Variants in DPYSL5 observed in about 807,000 individuals in gnomAD.
DPYSL5 encodes the protein dihydropyrimidinase-related protein 5.
Under a neutral mutation model 58.4 loss-of-function variants are expected in DPYSL5, and 9 were observed. The observed-to-expected ratio is 0.15, with a 90% CI of 0.09 to 0.27. The LOEUF is 0.27. DPYSL5 is among the 10% of genes least tolerant of loss of function. DPYSL5 has a pLI of 1.00. For missense variants in DPYSL5, 499 were observed against 770.6 expected (o/e 0.65, Z 4.17); for synonymous variants, 293 against 301.9 (o/e 0.97, Z 0.31).
At position 26,940,134 on chromosome 2, in the gene DPYSL5, G is replaced by A. The variant is rs1241800661; in HGVS notation, c.1051G>A (p.Val351Met). 6.2e-7 allele frequency: 1 copy of A among 1,614,172 alleles called. No homozygotes were observed. Among genetic ancestry groups the A allele is most frequent in the East Asian group, 2.2e-5 (1 of 44,886 alleles). Reference protein sequence around the residue: ...FTKIPHGVSGVQDRMSVIWER... With the variant: ...FTKIPHGVSGMQDRMSVIWER... ...CAAGATCCCACATGGAGTGAGTGGCGTGCAGGACCGCATGAGCGTCATCTG... is the reference window on the plus strand; with the variant it reads ...CAAGATCCCACATGGAGTGAGTGGCATGCAGGACCGCATGAGCGTCATCTG... Residue 351 changes from valine to methionine, a missense_variant, in exon 9 of 13, where the codon GTG (valine) becomes ATG (methionine). Coordinates refer to ENST00000288699, the MANE Select transcript of DPYSL5 (RefSeq NM_020134.4).
At chr2:26,852,902 C>G (rs1038459472) in intron 1 of DPYSL5, among the ~76,000 whole-genome samples, 1 of 152,162 alleles carries the variant, frequency 6.6e-6, no homozygotes, top group African/African-American at 2.4e-5. Flanking sequence ...TTATCATCAC[C>G]ATCAGCAGCA....
At position 26,925,159 on chromosome 2, in the gene DPYSL5, A is replaced by G; in HGVS notation, c.420+114A>G. The G allele has an allele frequency of 7.5e-7, 1 of 1,327,610 alleles. No homozygotes were observed. 82.2% of individuals were successfully genotyped at this position (1,327,610 alleles called of 1,614,324 possible). On this transcript the variant is annotated intron_variant, in intron 3 of 12. Coordinates refer to ENST00000288699, the MANE Select transcript of DPYSL5 (RefSeq NM_020134.4). The surrounding 1 kb of genome is among the most constrained non-coding windows in gnomAD (Gnocchi z 4.5). ...GGGGCACCCCTCCCACTACCATCCT[A>G]GCTCCCCACAATGCCAAAAGAAAAC...
At position 26,861,748 on chromosome 2, in the gene DPYSL5, C is replaced by A. The variant is rs557742811; in HGVS notation, c.-5+13494C>A. 7.2e-5 allele frequency among the ~76,000 whole-genome samples: 11 copies of A among 152,344 alleles called. No homozygotes were observed. In the East Asian group the frequency reaches 2.1e-3, roughly 29 times the overall value. ...AGACAGATTCATGCCATCCCCCGGC[C>A]ATGATCTCTAACTCCTGGTGTTCAC... On this transcript the variant is annotated intron_variant, in intron 1 of 12. Transcript: ENST00000288699.
At chr2:26,889,742 C>T (rs1274036707) in intron 1 of DPYSL5, among the ~76,000 whole-genome samples, 5 of 152,006 alleles carry the variant, frequency 3.3e-5, no homozygotes, top group African/African-American at 4.8e-5. Context: ...AATCTCTTCC[C>T]TTCTGGGCGA....
intron 1 of DPYSL5, among the ~76,000 whole-genome samples, chr2:26,867,442 TGTTTTTTTTTTTGTTTG>T (rs1223039916): frequency 1.3e-5 from 2 of 149,192 alleles, no homozygotes; most frequent in African/African-American, 5.0e-5. Context: ...CCCAATTGTT[TGTTTTTTTTTTTGTTTG>T]TTTTTTTTTT....
rs1314922037 is a variant in DPYSL5, at chr2:26,944,997, G to A, written c.1609+173G>A. Among the ~76,000 whole-genome samples, 1 of 152,160 alleles carries A rather than the reference G, an allele frequency of 6.6e-6. No individual in the cohort carries two copies. The highest frequency in any genetic ancestry group is 6.5e-5 in the Admixed American group (1 of 15,280). Reference sequence around the variant, plus strand: ...CTCACATAGACATTAGTGGGGACAGGAGGGCTGTCCTGGTCCCTGGGCACA... The same window carrying A: ...CTCACATAGACATTAGTGGGGACAGAAGGGCTGTCCTGGTCCCTGGGCACA... On this transcript the variant is annotated intron_variant, in intron 12 of 12. Coordinates refer to ENST00000288699, the MANE Select transcript of DPYSL5 (RefSeq NM_020134.4). The surrounding 1 kb of genome is among the most constrained non-coding windows in gnomAD (Gnocchi z 4.4).
rs1665124419 is a variant in DPYSL5, at chr2:26,934,565, T to C, written c.791-13T>C. ...TGGCTTCCTGGTTATGGTTCTGACC[T>C]TTCTTCTTCCAGGGAAGGTTGTGCT... On this transcript the variant is annotated splice_polypyrimidine_tract_variant and intron_variant, in intron 7 of 12. Transcript: ENST00000288699. This position sits in a 1 kb window ranked among gnomAD's most constrained non-coding sequence, Gnocchi z 4.3. 2 of 1,610,920 alleles carry C rather than the reference T, an allele frequency of 1.2e-6. No homozygotes were observed. Among genetic ancestry groups the C allele is most frequent in the Non-Finnish European group, 1.7e-6 (2 of 1,179,224 alleles).
chr2:26,890,733 C>T (rs770118443), intron 1 of DPYSL5, among the ~76,000 whole-genome samples: 2 of 152,310 alleles, frequency 1.3e-5, no homozygotes, highest in Non-Finnish European at 1.5e-5. Flanking sequence ...TTTATTTTCT[C>T]ACAGTTCTGG....
Position 26,925,907 on chromosome 2 carries a change from A to C in DPYSL5, c.420+862A>C, listed in dbSNP as rs1465993812. Reference sequence around the variant, plus strand: ...AAAAATAATAAGCATTATTAGTTTTACCAACTCAGGAACTGCCTCTTCATT... The same window carrying C: ...AAAAATAATAAGCATTATTAGTTTTCCCAACTCAGGAACTGCCTCTTCATT... On this transcript the variant is annotated intron_variant, in intron 3 of 12. Coordinates refer to ENST00000288699, the MANE Select transcript of DPYSL5 (RefSeq NM_020134.4). The surrounding 1 kb of genome is among the most constrained non-coding windows in gnomAD (Gnocchi z 4.5). Among the ~76,000 whole-genome samples, 1 of 152,220 alleles carries C rather than the reference A, an allele frequency of 6.6e-6. No homozygotes were observed. The highest frequency in any genetic ancestry group is 1.5e-5 in the Non-Finnish European group (1 of 68,040).
chr2:26,911,193 A>T (rs1356594953), intron 2 of DPYSL5, among the ~76,000 whole-genome samples: 2 of 146,956 alleles, frequency 1.4e-5, no homozygotes, highest in Admixed American at 7.0e-5. Flanking sequence ...CTATTTGTGG[A>T]CTCTTCTCTT....
intron 1 of DPYSL5, among the ~76,000 whole-genome samples, chr2:26,862,615 T>C (rs1666041840): frequency 6.6e-6 from 1 of 152,222 alleles, no homozygotes; most frequent in Non-Finnish European, 1.5e-5. Context: ...GGGTCTGCAC[T>C]CTTCCTTCCC....
chr2:26,885,180 C>T (rs1170530464), intron 1 of DPYSL5, among the ~76,000 whole-genome samples: 4 of 152,022 alleles, frequency 2.6e-5, no homozygotes, highest in Non-Finnish European at 5.9e-5. Flanking sequence ...GCCTGGGTGA[C>T]AGAGCAAGAC....
Position 26,898,371 on chromosome 2 carries a change from G to T in DPYSL5, c.-4-125G>T. 7.3e-7 allele frequency: 1 copy of T among 1,363,076 alleles called. No individual in the cohort carries two copies. The highest frequency in any genetic ancestry group is 1.0e-6 in the Non-Finnish European group (1 of 993,672). 84.4% of individuals were successfully genotyped at this position (1,363,076 alleles called of 1,614,324 possible). On this transcript the variant is annotated intron_variant, in intron 1 of 12. Coordinates refer to ENST00000288699, the MANE Select transcript of DPYSL5 (RefSeq NM_020134.4). This position sits in a 1 kb window ranked among gnomAD's most constrained non-coding sequence, Gnocchi z 6.1. Reference sequence around the variant, plus strand: ...GGCTTGTGACTCCCGCTGGCTGTAGGGGAAAGTTCCTCCTCTTCTCTGCTC... The same window carrying T: ...GGCTTGTGACTCCCGCTGGCTGTAGTGGAAAGTTCCTCCTCTTCTCTGCTC...
chr2:26,851,599 C>G (rs559041781), intron 1 of DPYSL5, among the ~76,000 whole-genome samples: 1 of 152,180 alleles, frequency 6.6e-6, no homozygotes, highest in Admixed American at 6.5e-5. Flanking sequence ...ATTAGCTCCA[C>G]GGGACTATAA....
Position 26,896,645 on chromosome 2 carries a change from G to A in DPYSL5, c.-4-1851G>A, listed in dbSNP as rs533375166. 2.0e-5 allele frequency among the ~76,000 whole-genome samples: 3 copies of A among 152,274 alleles called. No individual in the cohort carries two copies. In the South Asian group the frequency reaches 6.2e-4, roughly 32 times the overall value. The stretch of plus-strand genomic sequence containing the variant: ...CTTTTCTGATGATTAGTGATGTTGA[G>A]CACTTTTTGATAAATCTATTGGCCA... On this transcript the variant is annotated intron_variant, in intron 1 of 12. Transcript: ENST00000288699.
intron 4 of DPYSL5, 73 bp from the exon 5 acceptor site, chr2:26,928,182 C>T: frequency 6.8e-7 from 1 of 1,459,858 alleles, no homozygotes; most frequent in Non-Finnish European, 9.6e-7. Context: ...ATTTCACTGT[C>T]CCTTGGGTTC....
Position 26,903,172 on chromosome 2 carries a change from C to T in DPYSL5, c.261+4412C>T, listed in dbSNP as rs551095263. ...GCAACCTCTGTCGCCTGGGTTCACA[C>T]GATTCTCATGCCTCAGCCTCCTGAG... On this transcript the variant is annotated intron_variant, in intron 2 of 12. Coordinates refer to ENST00000288699, the MANE Select transcript of DPYSL5 (RefSeq NM_020134.4). Among the ~76,000 whole-genome samples, 5 of 151,986 alleles carry T rather than the reference C, an allele frequency of 3.3e-5. No homozygotes were observed. In the South Asian group the frequency reaches 6.2e-4, roughly 19 times the overall value.
intron 9 of DPYSL5, 96 bp downstream of exon 9, chr2:26,940,268 C>A: frequency 6.9e-7 from 1 of 1,445,140 alleles, no homozygotes; most frequent in Non-Finnish European, 9.3e-7. Context: ...TCCTCAGATC[C>A]TGTCAAAGAA....
At position 26,927,034 on chromosome 2, in the gene DPYSL5, C is replaced by G. The variant is rs190402716; in HGVS notation, c.421-219C>G. Among the ~76,000 whole-genome samples, 99 of 152,302 alleles carry G rather than the reference C, an allele frequency of 6.5e-4. 2 individuals carry two copies. Among genetic ancestry groups the G allele is most frequent in the African/African-American group, 2.2e-3 (93 of 41,566 alleles). On this transcript the variant is annotated intron_variant, in intron 3 of 12. Coordinates refer to ENST00000288699, the MANE Select transcript of DPYSL5 (RefSeq NM_020134.4). The surrounding 1 kb of genome is among the most constrained non-coding windows in gnomAD (Gnocchi z 4.3). ...TAACAATGTGGCTCCTAAACTGTGT[C>G]GTGTTGACAATTTTCACAGTACTTC... is the stretch of plus-strand genomic sequence containing the variant.
Sources: allele counts gnomAD v4.1 joint callset (sites outside exome capture counted in the v4.1 genomes callset), GRCh38; gene constraint gnomAD v4.1.1; non-coding constraint Gnocchi (gnomAD v3.1); transcripts MANE v1.5; gene names NCBI Gene and HGNC (gene_info 2026-07-23, HGNC 2026-07-21).